TBCE: variants seen among roughly 807,000 people sequenced by gnomAD.
TBCE encodes the protein tubulin folding cofactor E, also known as tubulin-specific chaperone E.
TBCE carries 53 observed loss-of-function variants against 77.0 expected under a neutral mutation model. The observed-to-expected ratio is 0.69, with a 90% CI of 0.55 to 0.87. TBCE has a LOEUF of 0.87. TBCE is among the 40% of genes least tolerant of loss of function. The pLI is 0.00. For synonymous variants in TBCE, 235 were observed against 241.3 expected (o/e 0.97, Z 0.24); for missense variants, 624 against 622.4 (o/e 1.00, Z -0.03).
chr1:235,387,357 G>C (rs2102827961), intron 2 of TBCE, among the ~76,000 whole-genome samples: 1 of 152,328 alleles, frequency 6.6e-6, no homozygotes, highest in South Asian at 2.1e-4. Context: ...TAAGTCTGCA[G>C]AGGTTACTGC....
intron 1 of TBCE, among the ~76,000 whole-genome samples, chr1:235,372,096 C>T (rs1022622287): frequency 1.3e-5 from 2 of 152,214 alleles, no homozygotes; most frequent in Admixed American, 6.5e-5. Flanking sequence ...ATCCTCCAAC[C>T]TAAGCCTCCC....
In TBCE at chr1:235,448,888, C is replaced by G. The variant is rs1367213640; in HGVS notation, c.*126C>G. The stretch of plus-strand genomic sequence containing the variant: ...GGTTTACAACTTGTCCTAAGTATAA[C>G]AAGGGATGTATTTTTTGTTGGGAAG... On this transcript the variant is annotated 3_prime_UTR_variant, in exon 17 of 17. Coordinates refer to ENST00000642610, the MANE Select transcript of TBCE (RefSeq NM_003193.5). 2.7e-6 allele frequency: 2 copies of G among 751,428 alleles called. No individual in the cohort carries two copies. The highest frequency in any genetic ancestry group is 4.6e-6 in the Non-Finnish European group (2 of 433,186). 46.5% of individuals were successfully genotyped at this position (751,428 alleles called of 1,614,324 possible).
intron 7 of TBCE, chr1:235,432,848 C>A (rs1357815952): frequency 2.0e-6 from 1 of 487,844 alleles, no homozygotes; most frequent in African/African-American, 2.1e-5. Context: ...ATAGAGAGAT[C>A]CTGTAGATGC....
In TBCE at chr1:235,399,923, A is replaced by G. The variant is rs78563848; in HGVS notation, c.101-1580A>G. 5.5e-3 allele frequency among the ~76,000 whole-genome samples: 837 copies of G among 152,236 alleles called. 8 individuals are homozygous for G. The highest frequency in any genetic ancestry group is 0.02 in the African/African-American group (813 of 41,542). ...GGGGAAAACCCCCACACATTCGGTC[A>G]CAGAAGTCATCTGTGCTGATCGTTG... is the stretch of plus-strand genomic sequence containing the variant. On this transcript the variant is annotated intron_variant, in intron 2 of 16. Transcript: ENST00000642610.
rs953154583 is a variant in TBCE at position 235,374,059 on chromosome 1, C to T, written c.-31-5960C>T. ...GCATACCTTGGCTGACTGCAGCCTC[C>T]GCCTCTTGGGTTCAAGCCTCCAGAG... On this transcript the variant is annotated intron_variant, in intron 1 of 16. Transcript: ENST00000642610. Among the ~76,000 whole-genome samples, 15 of 146,070 alleles carry T rather than the reference C, an allele frequency of 1.0e-4. 1 individual carries two copies. The highest frequency in any genetic ancestry group is 2.1e-4 in the South Asian group (1 of 4,680).
chr1:235,368,050 C>T (rs949074063), intron 1 of TBCE, among the ~76,000 whole-genome samples: 36 of 152,194 alleles, frequency 2.4e-4, no homozygotes, highest in African/African-American at 8.7e-4. Flanking sequence ...GGATTACAGG[C>T]GCGTGCCACC....
rs147791083 is a variant in TBCE, at chr1:235,369,599, A to G, written c.-32+2095A>G. Among the ~76,000 whole-genome samples, 445 of 152,078 alleles carry G rather than the reference A, an allele frequency of 2.9e-3. 3 individuals carry two copies. The highest frequency in any genetic ancestry group is 0.01 in the African/African-American group (418 of 41,506). ...CACTTTGGGAGGCCAAGACTGGTGG[A>G]TCACCTGAGGTCAAGTGTTCAAGAC... On this transcript the variant is annotated intron_variant, in intron 1 of 16. Coordinates refer to ENST00000642610, the MANE Select transcript of TBCE (RefSeq NM_003193.5).
intron 1 of TBCE, among the ~76,000 whole-genome samples, chr1:235,374,193 T>A (rs1677151669): frequency 6.9e-6 from 1 of 144,954 alleles, no homozygotes; most frequent in Non-Finnish European, 1.5e-5. Context: ...TGACCTCAGA[T>A]AATCCACCCT....
At chr1:235,410,259 T>C (rs1345996298) in intron 3 of TBCE, among the ~76,000 whole-genome samples, 1 of 151,978 alleles carries the variant, frequency 6.6e-6, no homozygotes. Flanking sequence ...AAAAAAATTA[T>C]AATAAAGGAA....
chr1:235,427,177 A>G lies in TBCE; in HGVS notation c.498A>G (p.Ser166=). Residue 166 remains serine (S), a synonymous_variant, in exon 6 of 17, where the codon TCA becomes TCG. Transcript: ENST00000642610. ...TAGATTTGTCAAAAAACCTGTTGTCATCATGGGATGAAGTGATACACATTG... is the reference window on the plus strand; with the variant it reads ...TAGATTTGTCAAAAAACCTGTTGTCGTCATGGGATGAAGTGATACACATTG... The part of the protein sequence containing the change: ...RKVDLSKNLL[S]SWDEVIHIAD... 2 of 1,614,120 alleles carry G rather than the reference A, an allele frequency of 1.2e-6. No homozygotes were observed. Among genetic ancestry groups the G allele is most frequent in the Non-Finnish European group, 1.7e-6 (2 of 1,180,002 alleles).
intron 1 of TBCE, among the ~76,000 whole-genome samples, chr1:235,368,082 T>A (rs1676658201): frequency 6.6e-6 from 1 of 152,124 alleles, no homozygotes; most frequent in African/African-American, 2.4e-5. Context: ...ATTTTTGTAT[T>A]TTTAGTAGAG....
intron 1 of TBCE, among the ~76,000 whole-genome samples, chr1:235,376,712 A>G (rs907107794): frequency 6.6e-6 from 1 of 152,120 alleles, no homozygotes; most frequent in African/African-American, 2.4e-5. Flanking sequence ...ACAGTGGCTC[A>G]CACCTGTAAT....
intron 5 of TBCE, among the ~76,000 whole-genome samples, chr1:235,426,755 C>G (rs536229915): frequency 1.3e-5 from 2 of 152,336 alleles, no homozygotes; most frequent in African/African-American, 4.8e-5. Context: ...TAGAGTTTCT[C>G]TTGCCTTAAC....
intron 5 of TBCE, among the ~76,000 whole-genome samples, chr1:235,422,228 C>T (rs758874511): frequency 1.8e-4 from 27 of 152,148 alleles, no homozygotes; most frequent in Non-Finnish European, 2.4e-4. Context: ...GATTGGTAAT[C>T]GGGCTGTGTA....
intron 1 of TBCE, among the ~76,000 whole-genome samples, chr1:235,373,558 C>G (rs1222611427): frequency 6.6e-6 from 1 of 152,122 alleles, no homozygotes; most frequent in Non-Finnish European, 1.5e-5. Flanking sequence ...ATTCTTGTGC[C>G]TCAGTCTCCC....
intron 3 of TBCE, among the ~76,000 whole-genome samples, chr1:235,402,299 T>A (rs992583981): frequency 6.6e-6 from 1 of 151,910 alleles, no homozygotes; most frequent in African/African-American, 2.4e-5. Flanking sequence ...CCTGACCTTG[T>A]GATCCGCCCG....
intron 5 of TBCE, among the ~76,000 whole-genome samples, chr1:235,419,946 G>A (rs1158050970): frequency 6.6e-6 from 1 of 152,120 alleles, no homozygotes; most frequent in African/African-American, 2.4e-5. Flanking sequence ...TTAGCCGGGT[G>A]TGGTGGCGTG....
chr1:235,449,091 G>A lies in TBCE; in HGVS notation c.*329G>A, dbSNP rs1014748161. ...TAAAATCTGAACACAGTTAATATCT[G>A]TCATAAGACTAGTTTTAATGGAATT... On this transcript the variant is annotated 3_prime_UTR_variant, in exon 17 of 17. Transcript: ENST00000642610. 2 of 293,216 alleles carry A rather than the reference G, an allele frequency of 6.8e-6. No homozygotes were observed. The highest frequency in any genetic ancestry group is 1.3e-5 in the Non-Finnish European group (2 of 151,294). The allele number at this position is 293,216 out of a possible 1,614,324, so 18.2% of individuals were successfully genotyped here. A position where few individuals can be genotyped will look rare whatever the true frequency, so the allele number is the denominator to read the frequency against.
At chr1:235,399,740 T>C (rs984096610) in intron 2 of TBCE, among the ~76,000 whole-genome samples, 1 of 152,178 alleles carries the variant, frequency 6.6e-6, no homozygotes, top group African/African-American at 2.4e-5. Flanking sequence ...ATTAATCAAA[T>C]ACAAAGAGGG....
Sources: allele counts gnomAD v4.1 joint callset (sites outside exome capture counted in the v4.1 genomes callset), GRCh38; gene constraint gnomAD v4.1.1; transcripts MANE v1.5; gene names NCBI Gene and HGNC (gene_info 2026-07-23, HGNC 2026-07-21).